The following LRCH3 variants were observed in gnomAD, a reference collection of about 807,000 sequenced individuals.
The protein encoded by LRCH3 is DISP complex protein LRCH3.
Under a neutral mutation model 104.5 loss-of-function variants are expected in LRCH3, and 68 were observed. That is an observed-to-expected ratio of 0.65 (90% CI 0.54 to 0.80). The LOEUF is 0.80. Ranked by LOEUF, LRCH3 falls within the 30% of genes least tolerant of loss-of-function variation. The pLI, the probability that LRCH3 is intolerant of heterozygous loss-of-function variation, is 0.00. For missense variants in LRCH3, 951 were observed against 953.9 expected, an observed-to-expected ratio of 1.00 and a Z score of 0.04; for synonymous variants, 344 against 361.3, an observed-to-expected ratio of 0.95 and a Z score of 0.54.
At chr3:197,827,559 A>T (rs1735370146) in intron 5 of LRCH3, among the ~76,000 whole-genome samples, 1 of 152,236 alleles carries the variant, frequency 6.6e-6, no homozygotes, top group Admixed American at 6.5e-5. Flanking sequence ...TTTAAAATGG[A>T]TTCACATACA....
At chr3:197,838,322 T>C (rs144435049) in intron 9 of LRCH3, among the ~76,000 whole-genome samples, 268 of 152,354 alleles carry the variant, frequency 1.8e-3, no homozygotes, top group Admixed American at 3.3e-3. Flanking sequence ...ATCAGAGTTG[T>C]AGAATTGTAG....
At chr3:197,848,579 A>C (rs1580795033) in intron 12 of LRCH3, 1 of 152,348 alleles carries the variant, frequency 6.6e-6, no homozygotes, top group Non-Finnish European at 1.5e-5. Context: ...TGAAATCGTC[A>C]TTTTTTCTTC....
At chr3:197,812,596 A>G (rs1219668852) in intron 1 of LRCH3, among the ~76,000 whole-genome samples, 1 of 141,076 alleles carries the variant, frequency 7.1e-6, no homozygotes, top group African/African-American at 2.6e-5. Flanking sequence ...ACTGCAACCA[A>G]GCTGGATCAT....
Position 197,885,243 on chromosome 3 carries a change from T to C in LRCH3, c.*1577T>C, listed in dbSNP as rs1714106055. 1 of 152,286 alleles carries C rather than the reference T, an allele frequency of 6.6e-6. No individual in the cohort carries two copies. The highest frequency in any genetic ancestry group is 2.4e-5 in the African/African-American group (1 of 41,468). 9.4% of individuals were successfully genotyped at this position (152,286 alleles called of 1,614,324 possible). ...ATTGCAGTTACAGCACATACACTTC[T>C]AGCTCGGAAAAGCCTAGTTTCTTGT... On this transcript the variant is annotated 3_prime_UTR_variant, in exon 21 of 21. Transcript: ENST00000425562.
At chr3:197,853,030 G>A (rs1739826471) in intron 13 of LRCH3, among the ~76,000 whole-genome samples, 1 of 152,082 alleles carries the variant, frequency 6.6e-6, no homozygotes. Context: ...ATATCAAATA[G>A]TACATTTTTC....
chr3:197,804,933 C>T (rs1197454050), intron 1 of LRCH3, among the ~76,000 whole-genome samples: 3 of 150,798 alleles, frequency 2.0e-5, no homozygotes, highest in Admixed American at 6.6e-5. Context: ...CTCACTCTGT[C>T]GCCTAGGCTG....
At chr3:197,849,239 G>C (rs1009327578) in intron 12 of LRCH3, among the ~76,000 whole-genome samples, 1 of 134,428 alleles carries the variant, frequency 7.4e-6, no homozygotes, top group East Asian at 2.2e-4. Context: ...ACTTCATGCA[G>C]CCTGGTTGAC....
chr3:197,822,913 C>G (rs1190674940), intron 4 of LRCH3: 1 of 151,496 alleles, frequency 6.6e-6, no homozygotes, highest in Non-Finnish European at 1.5e-5. Flanking sequence ...GGGTTCATGC[C>G]ATTCTCCTGC....
intron 17 of LRCH3, among the ~76,000 whole-genome samples, chr3:197,867,410 A>G (rs1001078896): frequency 2.7e-5 from 4 of 150,516 alleles, no homozygotes. Flanking sequence ...TGTGAAACTT[A>G]TGTCTCAAAA....
chr3:197,849,409 T>G (rs1739252968), intron 12 of LRCH3, among the ~76,000 whole-genome samples: 3 of 152,120 alleles, frequency 2.0e-5, no homozygotes, highest in Admixed American at 1.3e-4. Flanking sequence ...GTTTCTTCTT[T>G]TTGTGCCTTT....
chr3:197,858,103 ATTGTC>A (rs1245345966), intron 14 of LRCH3, among the ~76,000 whole-genome samples: 1 of 152,198 alleles, frequency 6.6e-6, no homozygotes, highest in African/African-American at 2.4e-5. Flanking sequence ...TTGTGAAAGT[ATTGTC>A]TTCTCTGATT....
At chr3:197,850,977 G>C in intron 12 of LRCH3, 1 of 781,210 alleles carries the variant, frequency 1.3e-6, no homozygotes, top group East Asian at 2.4e-5. Context: ...ACCTCAGGCT[G>C]CTTAGGGAAA....
At chr3:197,795,699 T>G (rs1252607890) in intron 1 of LRCH3, among the ~76,000 whole-genome samples, 8 of 140,582 alleles carry the variant, frequency 5.7e-5, no homozygotes, top group Non-Finnish European at 9.2e-5. Context: ...TTTTTTTTTT[T>G]TTTTTTTTTT....
chr3:197,875,775 G>T lies in LRCH3; in HGVS notation c.2208G>T (p.Gln736His). The change falls in exon 20 of 21, where the codon CAG (glutamine) becomes CAT (histidine). Residue 736 changes from glutamine to histidine, a missense_variant and splice_region_variant. Transcript: ENST00000425562. ...CTTGCAGAAAAATTGGTGTACCTCA[G>T]GTAATAAATTTATCATTTTTTATGT... is the stretch of plus-strand genomic sequence containing the variant. ...LEACRKIGVPQEQLCLPLHIL... is the reference protein window; with the variant it reads ...LEACRKIGVPHEQLCLPLHIL... 6.6e-7 allele frequency: 1 copy of T among 1,525,588 alleles called. No homozygotes were observed. The highest frequency in any genetic ancestry group is 8.8e-7 in the Non-Finnish European group (1 of 1,138,928). The allele number at this position is 1,525,588 out of a possible 1,614,324, so 94.5% of individuals were successfully genotyped here.
rs1446266099 is a variant in LRCH3, at chr3:197,886,462, A to G, written c.*2796A>G. ...TCCCAACAGACCCACCAACTCTTAT[A>G]TACCCTTATATAACTTGTTTAGAAT... On this transcript the variant is annotated 3_prime_UTR_variant, in exon 21 of 21. Transcript: ENST00000425562. The G allele has an allele frequency of 6.6e-6, 1 of 152,224 alleles. No homozygotes were observed. Among genetic ancestry groups the G allele is most frequent in the Admixed American group, 6.5e-5 (1 of 15,282 alleles). 9.4% of individuals were successfully genotyped at this position (152,224 alleles called of 1,614,324 possible). A position where few individuals can be genotyped will look rare whatever the true frequency, so the allele number is the denominator to read the frequency against.
chr3:197,831,813 C>G (rs1735984589), intron 7 of LRCH3, among the ~76,000 whole-genome samples: 1 of 152,020 alleles, frequency 6.6e-6, no homozygotes, highest in African/African-American at 2.4e-5. Context: ...TAGAGACATG[C>G]TCTCCCTATA....
intron 1 of LRCH3, 21 bp from the exon 2 acceptor site, chr3:197,814,887 C>G (rs777636063): frequency 6.4e-7 from 1 of 1,557,544 alleles, no homozygotes; most frequent in Non-Finnish European, 8.6e-7. Context: ...GATTTTAAAC[C>G]TAATTTAATT....
At chr3:197,800,459 T>C (rs900742277) in intron 1 of LRCH3, among the ~76,000 whole-genome samples, 1 of 152,004 alleles carries the variant, frequency 6.6e-6, no homozygotes, top group African/African-American at 2.4e-5. Flanking sequence ...AATCAAGAGA[T>C]TGAAAAATAA....
At chr3:197,834,917 G>A (rs1456078370) in intron 8 of LRCH3, among the ~76,000 whole-genome samples, 2 of 152,166 alleles carry the variant, frequency 1.3e-5, no homozygotes, top group Admixed American at 6.6e-5. Context: ...GCCACAGTGG[G>A]CGGATCGCTT....
Sources: allele counts gnomAD v4.1 joint callset (sites outside exome capture counted in the v4.1 genomes callset), GRCh38; gene constraint gnomAD v4.1.1; transcripts MANE v1.5; gene names NCBI Gene and HGNC (gene_info 2026-07-23, HGNC 2026-07-21).